ULK4: variants seen among roughly 807,000 people sequenced by gnomAD.
ULK4 encodes the protein unc-51 like kinase 4, also known as inactive serine/threonine-protein kinase ULK4.
A neutral mutation model predicts 160.6 loss-of-function variants in ULK4; 133 were observed. That is an observed-to-expected ratio of 0.83 (90% CI 0.72 to 0.96). The LOEUF is 0.96. ULK4 is among the 40% of genes least tolerant of loss of function. The pLI is 0.00. For missense variants in ULK4, 1,580 were observed against 1,499.5 expected (o/e 1.05, Z -0.89); for synonymous variants, 534 against 539.8 (o/e 0.99, Z 0.15).
At chr3:41,722,666 A>G (rs1396931317) in intron 22 of ULK4, among the ~76,000 whole-genome samples, 1 of 152,138 alleles carries the variant, frequency 6.6e-6, no homozygotes, top group African/African-American at 2.4e-5. Flanking sequence ...ATTAAAATAA[A>G]ATGAAAGAGA....
chr3:41,663,431 C>T (rs1048298762), intron 30 of ULK4, among the ~76,000 whole-genome samples, 176 bp downstream of exon 30: 4 of 151,986 alleles, frequency 2.6e-5, no homozygotes, highest in Non-Finnish European at 4.4e-5. Context: ...AATATGAGAA[C>T]GAGAGTCAAA....
intron 18 of ULK4, among the ~76,000 whole-genome samples, chr3:41,821,981 T>C (rs2041160792): frequency 1.3e-5 from 2 of 152,160 alleles, no homozygotes; most frequent in Admixed American, 1.3e-4. Context: ...CCCACTTCTC[T>C]CTCCTAATTT....
At chr3:41,515,001 T>C (rs1159911335) in intron 32 of ULK4, among the ~76,000 whole-genome samples, 1 of 152,266 alleles carries the variant, frequency 6.6e-6, no homozygotes, top group East Asian at 1.9e-4. Flanking sequence ...ACGCTTGTAA[T>C]TGCAGCATGT....
intron 35 of ULK4, among the ~76,000 whole-genome samples, chr3:41,344,317 A>G (rs1453650104): frequency 6.6e-6 from 1 of 152,204 alleles, no homozygotes; most frequent in Non-Finnish European, 1.5e-5. Context: ...CACCATATAC[A>G]AAAATTAACT....
chr3:41,829,572 A>G (rs987369487), intron 18 of ULK4, among the ~76,000 whole-genome samples: 10 of 152,174 alleles, frequency 6.6e-5, no homozygotes, highest in African/African-American at 2.4e-4. Context: ...CATCAGAGAA[A>G]TGCAAATGAA....
chr3:41,582,248 G>A (rs1210376821), intron 31 of ULK4, among the ~76,000 whole-genome samples: 1 of 151,890 alleles, frequency 6.6e-6, no homozygotes, highest in African/African-American at 2.4e-5. Flanking sequence ...TGTGTCTTTC[G>A]CCTTCTGCCA....
At chr3:41,435,628 A>C (rs1373076016) in intron 34 of ULK4, among the ~76,000 whole-genome samples, 1 of 152,196 alleles carries the variant, frequency 6.6e-6, no homozygotes, top group Non-Finnish European at 1.5e-5. Context: ...AGGAAAATGG[A>C]AAATGCATGT....
intron 1 of ULK4, among the ~76,000 whole-genome samples, chr3:41,960,654 C>T (rs1352271388): frequency 3.3e-5 from 5 of 152,086 alleles, no homozygotes; most frequent in Admixed American, 1.3e-4. Context: ...TGTGAGCCAC[C>T]GCGCCTGGCA....
chr3:41,756,130 T>G (rs147952837), intron 21 of ULK4, among the ~76,000 whole-genome samples: 187 of 152,310 alleles, frequency 1.2e-3, no homozygotes, highest in African/African-American at 4.0e-3. Flanking sequence ...ACTCTAAACA[T>G]GAGTACTAGC....
At chr3:41,578,762 T>C (rs372379703) in intron 31 of ULK4, among the ~76,000 whole-genome samples, 78 of 152,244 alleles carry the variant, frequency 5.1e-4, no homozygotes, top group African/African-American at 1.7e-3. Flanking sequence ...TACACATAAG[T>C]ATGGTATGTG....
At chr3:41,823,449 A>T (rs2041219101) in intron 18 of ULK4, among the ~76,000 whole-genome samples, 1 of 152,210 alleles carries the variant, frequency 6.6e-6, no homozygotes, top group Admixed American at 6.5e-5. Context: ...CAAAAAAGAC[A>T]AAATAAGAAT....
chr3:41,724,791 T>C (rs1433403216), intron 22 of ULK4, among the ~76,000 whole-genome samples: 1 of 152,242 alleles, frequency 6.6e-6, no homozygotes, highest in Admixed American at 6.5e-5. Flanking sequence ...TCAGGCTTTT[T>C]AATCACAGCC....
At chr3:41,709,832 A>G (rs6794211) in intron 25 of ULK4, among the ~76,000 whole-genome samples, 1 of 151,878 alleles carries the variant, frequency 6.6e-6, no homozygotes, top group Non-Finnish European at 1.5e-5. Flanking sequence ...AGATCTTTTG[A>G]CTTAAACACA....
At chr3:41,753,455 G>A (rs2038695727) in intron 22 of ULK4, among the ~76,000 whole-genome samples, 1 of 152,164 alleles carries the variant, frequency 6.6e-6, no homozygotes, top group Admixed American at 6.5e-5. Context: ...TCTCCTCTGG[G>A]CTTCAATACA....
At chr3:41,905,647 T>C (rs1307674018) in intron 12 of ULK4, among the ~76,000 whole-genome samples, 1 of 152,168 alleles carries the variant, frequency 6.6e-6, no homozygotes, top group Non-Finnish European at 1.5e-5. Context: ...AATAACCCAA[T>C]TAAAAATAGG....
intron 30 of ULK4, among the ~76,000 whole-genome samples, chr3:41,650,283 C>T (rs1319048633): frequency 6.6e-6 from 1 of 152,206 alleles, no homozygotes; most frequent in Non-Finnish European, 1.5e-5. Context: ...AGAGCTATAA[C>T]ACAAACAGGG....
chr3:41,790,070 A>T (rs2125592411), intron 20 of ULK4, among the ~76,000 whole-genome samples: 1 of 152,382 alleles, frequency 6.6e-6, no homozygotes, highest in South Asian at 2.1e-4. Flanking sequence ...CTATTGTAGT[A>T]ATAACCATTA....
At chr3:41,750,255 T>C (rs1325887200) in intron 22 of ULK4, among the ~76,000 whole-genome samples, 1 of 152,240 alleles carries the variant, frequency 6.6e-6, no homozygotes, top group Non-Finnish European at 1.5e-5. Context: ...GGTAACAACA[T>C]TCATCTGCTT....
At chr3:41,596,937 C>T (rs2031735136) in intron 31 of ULK4, among the ~76,000 whole-genome samples, 1 of 152,158 alleles carries the variant, frequency 6.6e-6, no homozygotes, top group African/African-American at 2.4e-5. Flanking sequence ...GGGGGTTGCT[C>T]TGTGCACCGT....
Sources: allele counts gnomAD v4.1 joint callset (sites outside exome capture counted in the v4.1 genomes callset), GRCh38; gene constraint gnomAD v4.1.1; transcripts MANE v1.5; gene names NCBI Gene and HGNC (gene_info 2026-07-23, HGNC 2026-07-21).